FAM13B: variants seen among roughly 807,000 people sequenced by gnomAD.
FAM13B encodes the protein family with sequence similarity 13 member B.
A neutral mutation model predicts 117.3 loss-of-function variants in FAM13B; 60 were observed. That is an observed-to-expected ratio of 0.51 (90% CI 0.42 to 0.63). The LOEUF is 0.63. Ranked by LOEUF, FAM13B falls within the 30% of genes least tolerant of loss-of-function variation. The pLI, the probability that FAM13B is intolerant of heterozygous loss-of-function variation, is 0.00. For synonymous variants in FAM13B, 332 were observed against 356.1 expected, an observed-to-expected ratio of 0.93 and a Z score of 0.76; for missense variants, 972 against 1,091.9, an observed-to-expected ratio of 0.89 and a Z score of 1.55.
At chr5:137,967,110 G>C (rs1362909103) in intron 10 of FAM13B, among the ~76,000 whole-genome samples, 1 of 147,654 alleles carries the variant, frequency 6.8e-6, no homozygotes, top group African/African-American at 2.5e-5. Context: ...TCTTAAAAAA[G>C]GGAAAAAAAA....
rs1173915079 is a variant in FAM13B at position 137,939,318 on chromosome 5, G to A, written c.*907C>T. On this transcript the variant is annotated 3_prime_UTR_variant, in exon 24 of 24. Transcript: ENST00000689681. Reference sequence around the variant, plus strand: ...AGATTTACTTTAGGCATAATATTTTGCTGATTTAAGCCCATTGATTGAACA... The same window carrying A: ...AGATTTACTTTAGGCATAATATTTTACTGATTTAAGCCCATTGATTGAACA... 1.3e-5 allele frequency: 2 copies of A among 152,568 alleles called. No individual in the cohort carries two copies. Among genetic ancestry groups the A allele is most frequent in the Admixed American group, 6.6e-5 (1 of 15,262 alleles). The allele number at this position is 152,568 out of a possible 1,614,324, so 9.5% of individuals were successfully genotyped here. A position where few individuals can be genotyped will look rare whatever the true frequency, so the allele number is the denominator to read the frequency against.
rs115227817 is a variant in FAM13B, at chr5:137,998,675, C to A, written c.848+8315G>T. 2.6e-5 allele frequency among the ~76,000 whole-genome samples: 4 copies of A among 152,184 alleles called. No homozygotes were observed. The South Asian group carries it at 8.3e-4, about 31-fold the overall frequency. Reference sequence around the variant, plus strand: ...ATCCTCCTCCATAAGCTCAAAAACACCTGAATACTTAAAGATGCTTCTGAT... The same window carrying A: ...ATCCTCCTCCATAAGCTCAAAAACAACTGAATACTTAAAGATGCTTCTGAT... On this transcript the variant is annotated intron_variant, in intron 7 of 23. Transcript: ENST00000689681.
intron 11 of FAM13B, among the ~76,000 whole-genome samples, chr5:137,961,295 A>G (rs1285483449): frequency 7.1e-6 from 1 of 140,102 alleles, no homozygotes; most frequent in Non-Finnish European, 1.5e-5. Context: ...GAAGTTGAAG[A>G]GGAGAGAGCT....
At chr5:137,962,353 G>T in intron 11 of FAM13B, 52 bp downstream of exon 11, 1 of 1,518,026 alleles carries the variant, frequency 6.6e-7, no homozygotes, top group Non-Finnish European at 9.1e-7. Context: ...AAAAATCTGT[G>T]AAGAGCTCCA....
chr5:137,950,278 T>C (rs1764591073), intron 17 of FAM13B, among the ~76,000 whole-genome samples: 1 of 152,218 alleles, frequency 6.6e-6, no homozygotes, highest in African/African-American at 2.4e-5. Context: ...CCTCTCTGAA[T>C]AGTATCATCC....
chr5:137,993,872 A>C (rs1174477422), intron 7 of FAM13B, among the ~76,000 whole-genome samples: 1 of 152,184 alleles, frequency 6.6e-6, no homozygotes, highest in African/African-American at 2.4e-5. Context: ...CCAAATCTCT[A>C]AAGTAGGGCC....
At chr5:137,980,650 G>A (rs1320754450) in intron 10 of FAM13B, among the ~76,000 whole-genome samples, 1 of 151,988 alleles carries the variant, frequency 6.6e-6, no homozygotes, top group Non-Finnish European at 1.5e-5. Flanking sequence ...ATGTTGCCCA[G>A]GCTGGCCTTG....
At chr5:137,968,699 G>A (rs570599554) in intron 10 of FAM13B, among the ~76,000 whole-genome samples, 14 of 152,272 alleles carry the variant, frequency 9.2e-5, no homozygotes, top group South Asian at 6.2e-4. Flanking sequence ...CTGAGGTACC[G>A]GGTTCATCTC....
rs914479231 is a variant in FAM13B, at chr5:137,938,286, T to A, written c.*1939A>T. ...GTCAGACCACTGACTTATAAAAATA[T>A]GGTACTCATATAGATTTAGCATTAT... On this transcript the variant is annotated 3_prime_UTR_variant, in exon 24 of 24. Coordinates refer to ENST00000689681, the MANE Select transcript of FAM13B (RefSeq NM_001385994.1). The A allele has an allele frequency of 6.6e-6, 1 of 152,584 alleles. No individual in the cohort carries two copies. Among genetic ancestry groups the A allele is most frequent in the African/African-American group, 2.4e-5 (1 of 41,436 alleles). 9.5% of individuals were successfully genotyped at this position (152,584 alleles called of 1,614,324 possible). A position where few individuals can be genotyped will look rare whatever the true frequency, so the allele number is the denominator to read the frequency against.
At chr5:138,030,837 C>G (rs549309997) in intron 1 of FAM13B, among the ~76,000 whole-genome samples, 1 of 151,472 alleles carries the variant, frequency 6.6e-6, no homozygotes, top group South Asian at 2.1e-4. Context: ...AGTTTGAGAC[C>G]AGCCTGGGCA....
chr5:137,960,629 AG>A (rs1236425267), intron 11 of FAM13B, among the ~76,000 whole-genome samples: 1 of 152,200 alleles, frequency 6.6e-6, no homozygotes, highest in African/African-American at 2.4e-5. Context: ...CTTTTTAAAA[AG>A]GTATCACTAT....
intron 4 of FAM13B, among the ~76,000 whole-genome samples, chr5:138,015,885 G>T (rs1785146337): frequency 6.6e-6 from 1 of 152,210 alleles, no homozygotes; most frequent in South Asian, 2.1e-4. Context: ...AGAAACGGGT[G>T]TATATGTGCA....
intron 18 of FAM13B, 46 bp from the exon 19 acceptor site, chr5:137,946,357 A>G (rs1763443356): frequency 2.5e-6 from 3 of 1,221,914 alleles, no homozygotes; most frequent in Non-Finnish European, 3.5e-6. Flanking sequence ...AAAAAAAAAC[A>G]AAAACAAAAA....
chr5:137,941,901 G>T, intron 23 of FAM13B, 43 bp downstream of exon 23: 7 of 1,465,730 alleles, frequency 4.8e-6, no homozygotes, highest in Non-Finnish European at 6.7e-6. Flanking sequence ...CAGTTTGTGA[G>T]TTAGAGAAGA....
intron 10 of FAM13B, among the ~76,000 whole-genome samples, chr5:137,982,321 G>A (rs745575517): frequency 9.9e-5 from 15 of 152,176 alleles, no homozygotes; most frequent in African/African-American, 3.1e-4. Flanking sequence ...GGGAGGCCAC[G>A]GCAGGCAGAT....
At chr5:137,959,840 T>A (rs919504717) in intron 12 of FAM13B, 77 bp from the exon 13 acceptor site, 9 of 1,415,186 alleles carry the variant, frequency 6.4e-6, no homozygotes, top group Non-Finnish European at 8.8e-6. Flanking sequence ...CCAGCACATA[T>A]CCAAGTGTAG....
intron 10 of FAM13B, among the ~76,000 whole-genome samples, chr5:137,966,133 A>G (rs868844537): frequency 2.0e-5 from 3 of 151,930 alleles, no homozygotes; most frequent in Admixed American, 2.0e-4. Flanking sequence ...AAAACCTACT[A>G]GATAAGCTTA....
upstream of FAM13B, chr5:138,033,201 C>T: frequency 2.9e-6 from 1 of 348,814 alleles, no homozygotes; most frequent in Non-Finnish European, 4.0e-6. Context: ...CTGTGTCCTG[C>T]AAGCTTGAGG....
At chr5:137,973,278 A>G (rs1196731007) in intron 10 of FAM13B, among the ~76,000 whole-genome samples, 2 of 152,238 alleles carry the variant, frequency 1.3e-5, no homozygotes, top group Non-Finnish European at 2.9e-5. Flanking sequence ...TCAATGGAAC[A>G]GAACATAGCC....
Sources: allele counts gnomAD v4.1 joint callset (sites outside exome capture counted in the v4.1 genomes callset), GRCh38; gene constraint gnomAD v4.1.1; transcripts MANE v1.5; gene names NCBI Gene and HGNC (gene_info 2026-07-23, HGNC 2026-07-21).